The following PUM1 variants were observed in gnomAD, a reference collection of about 807,000 sequenced individuals.
PUM1 encodes the protein pumilio RNA binding family member 1.
PUM1 carries 13 observed loss-of-function variants against 131.8 expected under a neutral mutation model. The observed-to-expected ratio is 0.10, with a 90% CI of 0.06 to 0.16. PUM1 has a LOEUF of 0.16. Ranked by LOEUF, PUM1 falls within the 10% of genes least tolerant of loss-of-function variation. The pLI is 1.00. For synonymous variants in PUM1, 509 were observed against 556.5 expected (o/e 0.91, Z 1.20); for missense variants, 961 against 1,512.4 (o/e 0.64, Z 6.05).
At chr1:30,996,756 G>T (rs1179176355) in intron 5 of PUM1, among the ~76,000 whole-genome samples, 1 of 152,186 alleles carries the variant, frequency 6.6e-6, no homozygotes, top group Non-Finnish European at 1.5e-5. Context: ...ATTCCTCAAA[G>T]CAGAGATAGG....
At chr1:30,941,046 T>C (rs921316686) in intron 20 of PUM1, 105 bp downstream of exon 20, 17 of 1,342,668 alleles carry the variant, frequency 1.3e-5, no homozygotes, top group African/African-American at 7.4e-5. Flanking sequence ...ATATATACTT[T>C]GAAAACAACA....
Position 31,063,481 on chromosome 1 carries a change from GAGA to G in PUM1, c.-12+2132_-12+2134del, listed in dbSNP as rs373107743. On this transcript the variant is annotated intron_variant, in intron 1 of 21. Coordinates refer to ENST00000426105, the MANE Select transcript of PUM1 (RefSeq NM_001020658.2). ...TCAAAATAGTTATCTAGGAGGCTGA[GAGA>G]AGGATAATGAGAGATTACCTAAGGA... Among the ~76,000 whole-genome samples, 744 of 152,216 alleles carry G rather than the reference GAGA, an allele frequency of 4.9e-3. 3 individuals carry two copies. Among genetic ancestry groups the G allele is most frequent in the South Asian group, 0.021 (103 of 4,822 alleles).
At chr1:31,033,671 T>A (rs1468938995) in intron 2 of PUM1, among the ~76,000 whole-genome samples, 4 of 151,954 alleles carry the variant, frequency 2.6e-5, no homozygotes, top group Admixed American at 2.6e-4. Flanking sequence ...CAGCCCATTT[T>A]ATTTTTTTGA....
intron 3 of PUM1, among the ~76,000 whole-genome samples, chr1:31,015,368 G>GTC (rs1232740808): frequency 6.6e-6 from 1 of 151,468 alleles, no homozygotes; most frequent in African/African-American, 2.4e-5. Flanking sequence ...TTGAGACGGA[G>GTC]TCTCGCTCTG....
At chr1:30,975,910 C>T (rs1433215065) in intron 9 of PUM1, among the ~76,000 whole-genome samples, 10 of 151,750 alleles carry the variant, frequency 6.6e-5, no homozygotes, top group African/African-American at 2.4e-4. Flanking sequence ...TGGTGAAACC[C>T]CATCTCTACT....
At chr1:31,063,820 G>A in intron 1 of PUM1, among the ~76,000 whole-genome samples, 1 of 152,094 alleles carries the variant, frequency 6.6e-6, no homozygotes, top group East Asian at 1.9e-4. Flanking sequence ...AAAGAGGCAA[G>A]GCAGTTTCTC....
intron 3 of PUM1, among the ~76,000 whole-genome samples, chr1:31,011,164 T>TACACACACACAC (rs138764103): frequency 0.032 from 4,506 of 142,994 alleles, 103 homozygotes; most frequent in Middle Eastern, 0.038. Flanking sequence ...TCTCTTAAAA[T>TACACACACACAC]ACACACACAC....
rs1012105247 is a variant in PUM1 at position 30,933,121 on chromosome 1, C to T, written c.*90G>A. Reference sequence around the variant, plus strand: ...GGAGCAACCACTTGCCCGTCTCAGACTCTACACTAGAACATTTCTGGTTGC... The same window carrying T: ...GGAGCAACCACTTGCCCGTCTCAGATTCTACACTAGAACATTTCTGGTTGC... On this transcript the variant is annotated 3_prime_UTR_variant, in exon 22 of 22. Coordinates refer to ENST00000426105, the MANE Select transcript of PUM1 (RefSeq NM_001020658.2). The T allele has an allele frequency of 1.4e-6, 2 of 1,476,412 alleles. No homozygotes were observed. The highest frequency in any genetic ancestry group is 2.8e-5 in the African/African-American group (2 of 70,530). The allele number at this position is 1,476,412 out of a possible 1,614,324, so 91.5% of individuals were successfully genotyped here. A position where few individuals can be genotyped will look rare whatever the true frequency, so the allele number is the denominator to read the frequency against.
chr1:30,951,805 T>C (rs979045498), intron 16 of PUM1, among the ~76,000 whole-genome samples: 1 of 152,234 alleles, frequency 6.6e-6, no homozygotes, highest in African/African-American at 2.4e-5. Context: ...TGACCCTAGC[T>C]GATAATGAAA....
intron 2 of PUM1, among the ~76,000 whole-genome samples, chr1:31,036,365 G>A (rs148204261): frequency 2.6e-4 from 40 of 152,068 alleles, no homozygotes; most frequent in Admixed American, 4.6e-4. Context: ...CACCATGCCC[G>A]GCCCAAATTC....
Position 30,933,150 on chromosome 1 carries a change from T to A in PUM1, c.*61A>T, listed in dbSNP as rs1012675746. ...ACACTAGAACATTTCTGGTTGCTGG[T>A]TGGATTTGCCAGTGGGCCAGTGAGG... On this transcript the variant is annotated 3_prime_UTR_variant, in exon 22 of 22. Transcript: ENST00000426105. 1.3e-6 allele frequency: 2 copies of A among 1,553,316 alleles called. No homozygotes were observed. Among genetic ancestry groups the A allele is most frequent in the African/African-American group, 1.4e-5 (1 of 72,796 alleles).
At chr1:31,013,371 A>G (rs559545603) in intron 3 of PUM1, among the ~76,000 whole-genome samples, 6 of 152,234 alleles carry the variant, frequency 3.9e-5, no homozygotes, top group Non-Finnish European at 8.8e-5. Context: ...CAAAAGGAAT[A>G]AAATATTAGG....
At chr1:31,062,944 G>C (rs1045981181) in intron 1 of PUM1, among the ~76,000 whole-genome samples, 3 of 152,208 alleles carry the variant, frequency 2.0e-5, no homozygotes, top group African/African-American at 7.2e-5. Flanking sequence ...TCTAGGTTAA[G>C]AATTCCAATC....
At chr1:31,014,767 C>T (rs981739991) in intron 3 of PUM1, among the ~76,000 whole-genome samples, 3 of 150,130 alleles carry the variant, frequency 2.0e-5, no homozygotes, top group South Asian at 2.1e-4. Flanking sequence ...CCAGCCTGGG[C>T]GACAGAGCAA....
At chr1:31,063,828 C>T (rs1644419435) in intron 1 of PUM1, among the ~76,000 whole-genome samples, 1 of 152,122 alleles carries the variant, frequency 6.6e-6, no homozygotes, top group South Asian at 2.1e-4. Flanking sequence ...AAGGCAGTTT[C>T]TCAAACCAGA....
At chr1:31,032,411 G>C (rs1372519375) in intron 2 of PUM1, among the ~76,000 whole-genome samples, 1 of 152,118 alleles carries the variant, frequency 6.6e-6, no homozygotes, top group Non-Finnish European at 1.5e-5. Flanking sequence ...ATTATAATCA[G>C]AGTAAATGCT....
chr1:31,028,659 C>T (rs955126371), intron 3 of PUM1, 137 bp downstream of exon 3: 40 of 783,944 alleles, frequency 5.1e-5, no homozygotes, highest in Non-Finnish European at 8.0e-5. Context: ...TCCAGCATCC[C>T]GTTCCTATCA....
chr1:30,981,018 C>T (rs1042686668), intron 8 of PUM1, among the ~76,000 whole-genome samples: 4 of 152,028 alleles, frequency 2.6e-5, no homozygotes, highest in Non-Finnish European at 4.4e-5. Flanking sequence ...CAAATCTTAC[C>T]GAAAGAGCTA....
At chr1:31,039,160 C>A (rs1233111388) in intron 2 of PUM1, among the ~76,000 whole-genome samples, 1 of 147,740 alleles carries the variant, frequency 6.8e-6, no homozygotes, top group Non-Finnish European at 1.5e-5. Flanking sequence ...CCATGCCTGG[C>A]TGACTTTTTA....
Sources: allele counts gnomAD v4.1 joint callset (sites outside exome capture counted in the v4.1 genomes callset), GRCh38; gene constraint gnomAD v4.1.1; transcripts MANE v1.5; gene names NCBI Gene and HGNC (gene_info 2026-07-23, HGNC 2026-07-21).